VPS37C: variants seen among roughly 807,000 people sequenced by gnomAD.
The protein encoded by VPS37C is VPS37C subunit of ESCRT-I.
In VPS37C, 9 loss-of-function variants were observed where a neutral mutation model predicts 16.1. That is an observed-to-expected ratio of 0.56 (90% CI 0.34 to 0.97). The LOEUF (loss-of-function observed/expected upper bound fraction) is 0.97. Ranked by LOEUF, VPS37C falls within the 50% of genes least tolerant of loss-of-function variation. The pLI, the probability that VPS37C is intolerant of heterozygous loss-of-function variation, is 0.02. For synonymous variants in VPS37C, 207 were observed against 206.4 expected, an observed-to-expected ratio of 1.00 and a Z score of -0.02; for missense variants, 479 against 472.7, an observed-to-expected ratio of 1.01 and a Z score of -0.12.
chr11:61,132,677 C>T (rs1397240254), intron 4 of VPS37C, 138 bp from the exon 5 acceptor site: 2 of 1,137,156 alleles, frequency 1.8e-6, no homozygotes, highest in Non-Finnish European at 1.2e-6. Flanking sequence ...GCCCATACGC[C>T]CCTTCTCACA....
chr11:61,132,927 G>T (rs1175546911), intron 4 of VPS37C: 4 of 528,132 alleles, frequency 7.6e-6, no homozygotes, highest in Non-Finnish European at 1.4e-5. Flanking sequence ...AGAGGCTGAA[G>T]AGGTGGCCGG....
intron 1 of VPS37C, chr11:61,161,039 T>C (rs535890776): frequency 1.3e-5 from 2 of 152,448 alleles, no homozygotes; most frequent in South Asian, 2.1e-4. Flanking sequence ...AATGGGCTAA[T>C]TGGCTCTAAT....
intron 4 of VPS37C, chr11:61,132,761 T>G (rs1349678567): frequency 2.0e-5 from 13 of 659,538 alleles, no homozygotes; most frequent in African/African-American, 7.3e-5. Flanking sequence ...GTCTCTGTCG[T>G]GGTCACCTCT....
At chr11:61,150,937 G>A (rs1349800062) in intron 1 of VPS37C, among the ~76,000 whole-genome samples, 3 of 152,216 alleles carry the variant, frequency 2.0e-5, no homozygotes, top group Non-Finnish European at 4.4e-5. Context: ...ACAGTCCAGA[G>A]GCTGGCCCGG....
chr11:61,156,116 A>G (rs1442144242), intron 1 of VPS37C, among the ~76,000 whole-genome samples: 4 of 152,252 alleles, frequency 2.6e-5, no homozygotes, highest in Non-Finnish European at 5.9e-5. Context: ...AAGTGGAATC[A>G]TAAAAATTAT....
chr11:61,133,219 C>T (rs1861304635), intron 4 of VPS37C, 36 bp downstream of exon 4: 1 of 1,608,530 alleles, frequency 6.2e-7, no homozygotes, highest in Non-Finnish European at 8.5e-7. Context: ...ACTGACACCC[C>T]GTCCAGGGAA....
At chr11:61,142,588 A>C (rs1478482562) in intron 1 of VPS37C, among the ~76,000 whole-genome samples, 3 of 152,116 alleles carry the variant, frequency 2.0e-5, no homozygotes, top group African/African-American at 7.2e-5. Flanking sequence ...TAGCTGCCAG[A>C]ATGATGACAT....
chr11:61,139,801 T>C (rs1426410141), intron 1 of VPS37C, among the ~76,000 whole-genome samples: 1 of 147,376 alleles, frequency 6.8e-6, no homozygotes, highest in Admixed American at 7.1e-5. Flanking sequence ...TGGAAAGCAA[T>C]GGTGCAAACA....
At chr11:61,146,308 G>T (rs1455128831) in intron 1 of VPS37C, among the ~76,000 whole-genome samples, 1 of 152,238 alleles carries the variant, frequency 6.6e-6, no homozygotes, top group Non-Finnish European at 1.5e-5. Context: ...TATTTGGGGG[G>T]TTCTTACTAT....
At position 61,132,304 on chromosome 11, in the gene VPS37C, T is replaced by A; in HGVS notation, c.584A>T (p.Gln195Leu). ...GTPPVVEEQP[Q>L]PPLAMPPYPL... ...GTAGGGAGGCATGGCTAATGGTGGC[T>A]GCGGCTGCTCTTCAACCACAGGGGG... is the stretch of plus-strand genomic sequence containing the variant. The change falls in exon 5 of 5, where the codon CAG becomes CTG. Residue 195 changes from glutamine to leucine, a missense_variant. Coordinates refer to ENST00000301765, the MANE Select transcript of VPS37C (RefSeq NM_017966.5). 1 of 1,580,874 alleles carries A rather than the reference T, an allele frequency of 6.3e-7. No individual in the cohort carries two copies.
At chr11:61,143,630 G>C (rs2134641473) in intron 1 of VPS37C, 1 of 150,738 alleles carries the variant, frequency 6.6e-6, no homozygotes, top group Admixed American at 6.6e-5. Context: ...CTCAGTGCTG[G>C]GATTACAGGT....
chr11:61,148,845 C>T (rs907931714), intron 1 of VPS37C, among the ~76,000 whole-genome samples: 1 of 152,222 alleles, frequency 6.6e-6, no homozygotes, highest in African/African-American at 2.4e-5. Context: ...CTCAAGCAAT[C>T]CACCTCACTT....
intron 2 of VPS37C, chr11:61,138,161 C>T (rs667845): frequency 0.57 from 86,134 of 152,414 alleles, 25,201 homozygotes; most frequent in East Asian, 0.99. Flanking sequence ...TGTGGCCTGA[C>T]CTCTCCCATC....
chr11:61,132,719 A>G (rs1322293057), intron 4 of VPS37C, 180 bp from the exon 5 acceptor site: 2 of 819,094 alleles, frequency 2.4e-6, no homozygotes, highest in Non-Finnish European at 3.7e-6. Context: ...TGTCTCCCTC[A>G]CTAGAATGTC....
chr11:61,132,489 C>T lies in VPS37C; in HGVS notation c.399G>A (p.Leu133=). 1 of 1,611,812 alleles carries T rather than the reference C, an allele frequency of 6.2e-7. No homozygotes were observed. The highest frequency in any genetic ancestry group is 1.1e-5 in the South Asian group (1 of 90,984). The change falls in exon 5 of 5, where the codon CTG becomes CTA. Residue 133 remains leucine (L), a synonymous_variant. Coordinates refer to ENST00000301765, the MANE Select transcript of VPS37C (RefSeq NM_017966.5). ...GCATCCTCATGGAGGAAAAATTCTC[C>T]AGGAACGTTTCCAGGGGCACCTCGC... ...LEGEVPLETF[L]ENFSSMRMLS... is the part of the protein sequence containing the mutation.
chr11:61,132,598 T>C lies in VPS37C; in HGVS notation c.349-59A>G, dbSNP rs531429655. 20 of 1,516,774 alleles carry C rather than the reference T, an allele frequency of 1.3e-5. No homozygotes were observed. In the South Asian group the frequency reaches 2.5e-4, roughly 19 times the overall value. 94.0% of individuals were successfully genotyped at this position (1,516,774 alleles called of 1,614,324 possible). ...AGCTGGGATCAAGGCCTCTTGATTT[T>C]CCCCAGGGTCTGAGTTCAGCTGCAG... On this transcript the variant is annotated intron_variant, in intron 4 of 4. Transcript: ENST00000301765.
At chr11:61,141,262 G>A (rs1399326512) in intron 1 of VPS37C, among the ~76,000 whole-genome samples, 5 of 151,832 alleles carry the variant, frequency 3.3e-5, no homozygotes, top group Non-Finnish European at 5.9e-5. Context: ...CAGTTACTCC[G>A]GAGGCCCAGG....
At chr11:61,133,168 G>A (rs1422088396) in intron 4 of VPS37C, 87 bp downstream of exon 4, 3 of 1,410,356 alleles carry the variant, frequency 2.1e-6, no homozygotes, top group Admixed American at 3.6e-5. Context: ...TCCATGCTTT[G>A]CAGACATCTG....
At chr11:61,135,623 TG>T (rs1565191845) in intron 2 of VPS37C, among the ~76,000 whole-genome samples, 13 of 152,194 alleles carry the variant, frequency 8.5e-5, no homozygotes, top group Non-Finnish European at 1.8e-4. Context: ...TCTGTAGAGA[TG>T]GGGTTTCCCT....
Sources: gnomAD v4.1 joint callset for allele counts (sites outside exome capture counted in the v4.1 genomes callset) on GRCh38, gnomAD v4.1.1 for gene constraint, MANE v1.5 for transcripts, NCBI Gene and HGNC (gene_info 2026-07-23, HGNC 2026-07-21) for gene names.